Variants in HCK observed in about 807,000 individuals in gnomAD.
The protein encoded by HCK is tyrosine-protein kinase HCK.
A neutral mutation model predicts 70.4 loss-of-function variants in HCK; 40 were observed. That is an observed-to-expected ratio of 0.57 (90% CI 0.44 to 0.74). The LOEUF (loss-of-function observed/expected upper bound fraction) is 0.74. HCK is among the 30% of genes least tolerant of loss of function. HCK has a pLI of 0.00. For synonymous variants in HCK, 245 were observed against 263.2 expected (o/e 0.93, Z 0.67); for missense variants, 568 against 697.2 (o/e 0.81, Z 2.09).
Position 32,066,331 on chromosome 20 carries a change from T to TTTTTTTTTTTTTTTTTTTTTTGA in HCK, c.63-5331_63-5330insTTTTTTTTTTTTTTTTTTTTTGA, listed in dbSNP as rs60044994. 1.3e-4 allele frequency among the ~76,000 whole-genome samples: 11 copies of TTTTTTTTTTTTTTTTTTTTTTGA among 81,910 alleles called. 2 individuals carry two copies. In the East Asian group the frequency reaches 2.8e-3, roughly 21 times the overall value. The allele number at this position is 81,910 out of a possible 152,430, so 53.7% of individuals were successfully genotyped here. On this transcript the variant is annotated intron_variant, in intron 1 of 12. Coordinates refer to ENST00000375852, the MANE Select transcript of HCK (RefSeq NM_002110.5). ...TTTTTTTTTTTTTTTTTTTTTTTTT[T>TTTTTTTTTTTTTTTTTTTTTTGA]GACAGAGTCTTGCTCTGTTTCCCAG...
At chr20:32,053,925 GC>G (rs1172223660) in intron 1 of HCK, among the ~76,000 whole-genome samples, 1 of 152,082 alleles carries the variant, frequency 6.6e-6, no homozygotes, top group East Asian at 1.9e-4. Flanking sequence ...CACTGGGGTA[GC>G]CTATGCCTGG....
In HCK at chr20:32,099,014, C is replaced by A; in HGVS notation, c.1257C>A (p.Phe419Leu). ...TGTTCAACCCTGCAGGGGCCAAGTT[C>A]CCCATCAAGTGGACAGCTCCTGAAG... is the stretch of plus-strand genomic sequence containing the variant. Residue 419 changes from phenylalanine to leucine, a missense_variant, in exon 12 of 13, where the codon TTC becomes TTA. Phe to Leu is a conservative substitution (Grantham distance 22, BLOSUM62 0). Coordinates refer to ENST00000375852, the MANE Select transcript of HCK (RefSeq NM_002110.5). 6.2e-7 allele frequency: 1 copy of A among 1,614,142 alleles called. No individual in the cohort carries two copies. Among genetic ancestry groups the A allele is most frequent in the Non-Finnish European group, 8.5e-7 (1 of 1,179,990 alleles).
chr20:32,069,167 A>G (rs1028177617), intron 1 of HCK, among the ~76,000 whole-genome samples: 2 of 152,042 alleles, frequency 1.3e-5, no homozygotes, highest in Non-Finnish European at 2.9e-5. Flanking sequence ...GCACTTTTAC[A>G]CTCATCAACT....
At chr20:32,061,261 C>G (rs866530347) in intron 1 of HCK, among the ~76,000 whole-genome samples, 1 of 152,192 alleles carries the variant, frequency 6.6e-6, no homozygotes, top group Non-Finnish European at 1.5e-5. Flanking sequence ...GGATTACAGG[C>G]GTGAGCCACT....
chr20:32,084,615 C>A, intron 8 of HCK, 72 bp downstream of exon 8: 3 of 1,385,704 alleles, frequency 2.2e-6, no homozygotes, highest in African/African-American at 1.4e-5. Flanking sequence ...CTTCCAGGAA[C>A]ACCTTATGGC....
chr20:32,094,889 A>G (rs371789368), intron 11 of HCK, among the ~76,000 whole-genome samples: 1 of 152,190 alleles, frequency 6.6e-6, no homozygotes, highest in Non-Finnish European at 1.5e-5. Flanking sequence ...TAAATGCACC[A>G]AAATGGGTAA....
At position 32,084,399 on chromosome 20, in the gene HCK, G is replaced by C; in HGVS notation, c.691G>C (p.Asp231His). Residue 231 changes from aspartate to histidine, a missense_variant, in exon 8 of 13, where the codon GAC becomes CAC. Physicochemically the swap from Asp to His is moderately conservative, Grantham distance 81 (BLOSUM62 -1). Coordinates refer to ENST00000375852, the MANE Select transcript of HCK (RefSeq NM_002110.5). ...CAGGGACTCTGTTCCAGAGGGGAAC[G>C]ACGGGCTCTGCCAGAAACTGTCGGT... 2 of 1,613,114 alleles carry C rather than the reference G, an allele frequency of 1.2e-6. No individual in the cohort carries two copies. Among genetic ancestry groups the C allele is most frequent in the Non-Finnish European group, 1.7e-6 (2 of 1,179,428 alleles).
rs138094245 is a variant in HCK at position 32,071,781 on chromosome 20, C to T, written c.182C>T (p.Pro61Leu). ...CCGGATCCCACATCCACCATCAAGC[C>T]GGTGAGTAGGGGAGGTCCCAGTTTC... Residue 61 changes from proline to leucine, a missense_variant and splice_region_variant, in exon 2 of 13, where the codon CCG (proline) becomes CTG (leucine). This residue lies in a region of HCK where 318 missense variants were observed against 336.0 expected (regional missense o/e 0.95). Coordinates refer to ENST00000375852, the MANE Select transcript of HCK (RefSeq NM_002110.5). 180 of 1,613,570 alleles carry T rather than the reference C, an allele frequency of 1.1e-4. No individual in the cohort carries two copies. The African/African-American group carries it at 1.2e-3, about 10-fold the overall frequency.
At chr20:32,072,028 A>C (rs1426368757) in intron 2 of HCK, 2 of 511,674 alleles carry the variant, frequency 3.9e-6, no homozygotes, top group Non-Finnish European at 3.4e-6. Flanking sequence ...TCCACCAAAC[A>C]GGTGTGAGTG....
At chr20:32,086,546 C>A in intron 8 of HCK, 82 bp from the exon 9 acceptor site, 1 of 1,137,356 alleles carries the variant, frequency 8.8e-7, no homozygotes, top group Non-Finnish European at 1.2e-6. Context: ...CTGGAGGAGG[C>A]GGGTCTGCAG....
At chr20:32,053,637 C>CAAAAAAAA (rs1160849578) in intron 1 of HCK, among the ~76,000 whole-genome samples, 5 of 60,818 alleles carry the variant, frequency 8.2e-5, no homozygotes, top group Non-Finnish European at 1.3e-4. Flanking sequence ...GACTCTGTCT[C>CAAAAAAAA]AAAAAAAAAA....
At chr20:32,066,374 C>T (rs900772381) in intron 1 of HCK, among the ~76,000 whole-genome samples, 19 of 129,288 alleles carry the variant, frequency 1.5e-4, no homozygotes, top group African/African-American at 4.7e-4. Context: ...TGCAGTGGCA[C>T]GATCTTGGCT....
rs372233490 is a variant in HCK at position 32,065,479 on chromosome 20, C to T, written c.63-6183C>T. On this transcript the variant is annotated intron_variant, in intron 1 of 12. Transcript: ENST00000375852. ...AGCTGGATCCAGGTGCTCAATTTAT[C>T]TTCAGGAATTACTTTATCTCCATAC... is the stretch of plus-strand genomic sequence containing the variant. 2.5e-4 allele frequency among the ~76,000 whole-genome samples: 38 copies of T among 152,294 alleles called. No homozygotes were observed. In the South Asian group the frequency reaches 4.6e-3, roughly 18 times the overall value.
At chr20:32,080,922 T>C (rs2045701295) in intron 6 of HCK, among the ~76,000 whole-genome samples, 1 of 151,968 alleles carries the variant, frequency 6.6e-6, no homozygotes, top group African/African-American at 2.4e-5. Context: ...ACCCCATCTG[T>C]ATGAAAAATT....
chr20:32,101,352 C>A lies in HCK; in HGVS notation c.1414C>A (p.Arg472Ser). The stretch of plus-strand genomic sequence containing the variant: ...CCCTGAAGTGATCCGAGCTCTGGAG[C>A]GTGGATACCGGATGCCTCGCCCAGA... Residue 472 changes from arginine to serine, a missense_variant, in exon 13 of 13, where the codon CGT becomes AGT. Arg to Ser is a moderately radical substitution (Grantham distance 110). Coordinates refer to ENST00000375852, the MANE Select transcript of HCK (RefSeq NM_002110.5). 6.2e-7 allele frequency: 1 copy of A among 1,614,202 alleles called. No homozygotes were observed. The highest frequency in any genetic ancestry group is 8.5e-7 in the Non-Finnish European group (1 of 1,180,020).
At chr20:32,076,623 T>TG (rs947777384) in intron 5 of HCK, among the ~76,000 whole-genome samples, 1 of 152,124 alleles carries the variant, frequency 6.6e-6, no homozygotes, top group East Asian at 1.9e-4. Context: ...ATAACCTAGA[T>TG]GGGGGGTTCT....
At chr20:32,055,999 T>C (rs561017612) in intron 1 of HCK, among the ~76,000 whole-genome samples, 1 of 152,388 alleles carries the variant, frequency 6.6e-6, no homozygotes, top group South Asian at 2.1e-4. Flanking sequence ...CAACTATTAG[T>C]ACTTTATTCC....
chr20:32,054,071 G>T, intron 1 of HCK: 1 of 373,166 alleles, frequency 2.7e-6, no homozygotes, highest in Non-Finnish European at 5.3e-6. Context: ...GATGTCCCGA[G>T]AATCCACCAT....
chr20:32,092,695 C>T (rs2045880435), intron 10 of HCK, among the ~76,000 whole-genome samples: 1 of 152,030 alleles, frequency 6.6e-6, no homozygotes, highest in South Asian at 2.1e-4. Context: ...TCAACTTCAA[C>T]TCTCCCCACT....
Sources: allele counts gnomAD v4.1 joint callset (sites outside exome capture counted in the v4.1 genomes callset), GRCh38; gene constraint gnomAD v4.1.1; regional missense constraint gnomAD v4.1.1; transcripts MANE v1.5; gene names NCBI Gene and HGNC (gene_info 2026-07-23, HGNC 2026-07-21).